CDH4: variants seen among roughly 807,000 people sequenced by gnomAD.
CDH4 encodes cadherin 4, also known as cadherin-4.
In CDH4, 33 loss-of-function variants were observed where a neutral mutation model predicts 86.0. That is an observed-to-expected ratio of 0.38 (90% CI 0.29 to 0.51). The LOEUF is 0.51. Among genes scored for constraint, CDH4 ranks in the 20% least tolerant of loss-of-function variants. CDH4 has a pLI of 0.86. For synonymous variants in CDH4, 555 were observed against 549.4 expected, an observed-to-expected ratio of 1.01 and a Z score of -0.14; for missense variants, 1,114 against 1,307.4, an observed-to-expected ratio of 0.85 and a Z score of 2.28.
At chr20:61,562,875 G>A (rs1398493181) in intron 2 of CDH4, among the ~76,000 whole-genome samples, 1 of 152,200 alleles carries the variant, frequency 6.6e-6, no homozygotes, top group Non-Finnish European at 1.5e-5. Context: ...TCCTGTCCGG[G>A]ACCCCAGTCC....
intron 9 of CDH4, among the ~76,000 whole-genome samples, chr20:61,915,783 G>C (rs967817220): frequency 1.3e-5 from 2 of 152,194 alleles, no homozygotes; most frequent in African/African-American, 4.8e-5. Context: ...AAGCGTGGAG[G>C]AGACGGGACT....
chr20:61,596,164 T>C (rs942748980), intron 2 of CDH4, among the ~76,000 whole-genome samples: 12 of 152,188 alleles, frequency 7.9e-5, no homozygotes, highest in Admixed American at 4.6e-4. Flanking sequence ...TGGGATAAAG[T>C]ATTTTTGGTC....
At chr20:61,438,798 A>G (rs1367867975) in intron 2 of CDH4, among the ~76,000 whole-genome samples, 2 of 152,222 alleles carry the variant, frequency 1.3e-5, no homozygotes, top group African/African-American at 2.4e-5. Flanking sequence ...GTGTCCAGAA[A>G]GAGAACCTTG....
chr20:61,564,876 T>C (rs1215978443), intron 2 of CDH4, among the ~76,000 whole-genome samples: 3 of 152,060 alleles, frequency 2.0e-5, no homozygotes, highest in Non-Finnish European at 2.9e-5. Flanking sequence ...TGCGGGAGCA[T>C]AGGGAGTTGT....
intron 2 of CDH4, among the ~76,000 whole-genome samples, chr20:61,439,593 G>A (rs2085303953): frequency 6.6e-6 from 1 of 152,266 alleles, no homozygotes; most frequent in African/African-American, 2.4e-5. Context: ...TGTCCCCACA[G>A]GGAGCATTCC....
chr20:61,319,443 C>G (rs2084496099), intron 2 of CDH4, among the ~76,000 whole-genome samples: 1 of 152,060 alleles, frequency 6.6e-6, no homozygotes, highest in African/African-American at 2.4e-5. Flanking sequence ...ACCTTGTGGG[C>G]TCATCAAGGC....
Position 61,252,831 on chromosome 20 carries a change from G to A in CDH4, c.57+261G>A, listed in dbSNP as rs1396885718. Among the ~76,000 whole-genome samples the A allele has an allele frequency of 4.0e-5, 6 of 151,684 alleles. No individual in the cohort carries two copies. The highest frequency in any genetic ancestry group is 7.4e-5 in the Non-Finnish European group (5 of 67,810). On this transcript the variant is annotated intron_variant, in intron 1 of 15. Transcript: ENST00000614565. This position sits in a 1 kb window ranked among gnomAD's most constrained non-coding sequence, Gnocchi z 4.4. ...GGACCCGGGGAGCTCCGCCTGCACCGGACCCGCCGAGCCTCCCTCGAACGC... is the reference window on the plus strand; with the variant it reads ...GGACCCGGGGAGCTCCGCCTGCACCAGACCCGCCGAGCCTCCCTCGAACGC...
intron 6 of CDH4, among the ~76,000 whole-genome samples, chr20:61,858,897 A>C (rs1008454266): frequency 6.6e-5 from 10 of 152,120 alleles, no homozygotes; most frequent in Admixed American, 5.2e-4. Context: ...TCGTGTGAAC[A>C]TAAGTTTCCA....
At chr20:61,592,197 A>G (rs2086523753) in intron 2 of CDH4, among the ~76,000 whole-genome samples, 1 of 152,210 alleles carries the variant, frequency 6.6e-6, no homozygotes, top group South Asian at 2.1e-4. Flanking sequence ...CCATTTTGTC[A>G]CATGGAGTAA....
chr20:61,697,577 G>A (rs748203241), intron 2 of CDH4, among the ~76,000 whole-genome samples: 31 of 152,236 alleles, frequency 2.0e-4, no homozygotes, highest in East Asian at 5.8e-4. Flanking sequence ...CAGCCTGGGC[G>A]ACAGAGCAAG....
chr20:61,489,813 G>T (rs915028364), intron 2 of CDH4, among the ~76,000 whole-genome samples: 1 of 152,208 alleles, frequency 6.6e-6, no homozygotes, highest in African/African-American at 2.4e-5. Flanking sequence ...GAGCCTCAGA[G>T]TCCACATCCT....
At chr20:61,572,445 A>T (rs971344646) in intron 2 of CDH4, among the ~76,000 whole-genome samples, 5 of 152,208 alleles carry the variant, frequency 3.3e-5, no homozygotes, top group Admixed American at 3.3e-4. Flanking sequence ...CCTGGGGTGC[A>T]GTCAGCACGT....
In CDH4 at chr20:61,669,034, C is replaced by T. The variant is rs142158681; in HGVS notation, c.170-74529C>T. 2.6e-3 allele frequency among the ~76,000 whole-genome samples: 389 copies of T among 152,278 alleles called. 4 individuals are homozygous for T. The highest frequency in any genetic ancestry group is 0.017 in the Middle Eastern group (5 of 294). ...AGCGAAGCTCAGGGCTGCGGCAGGCCGGCGGCAGGTCAGGTCCTTCCTTCA... is the reference window on the plus strand; with the variant it reads ...AGCGAAGCTCAGGGCTGCGGCAGGCTGGCGGCAGGTCAGGTCCTTCCTTCA... On this transcript the variant is annotated intron_variant, in intron 2 of 15. Transcript: ENST00000614565.
chr20:61,733,580 G>A (rs563843498), intron 2 of CDH4, among the ~76,000 whole-genome samples: 1 of 152,082 alleles, frequency 6.6e-6, no homozygotes, highest in Non-Finnish European at 1.5e-5. Context: ...TACATGCCAT[G>A]TGGGCTGACT....
chr20:61,586,494 G>A (rs1600784230), intron 2 of CDH4, among the ~76,000 whole-genome samples: 2 of 152,194 alleles, frequency 1.3e-5, no homozygotes, highest in African/African-American at 2.4e-5. Context: ...GTGCCTGAGG[G>A]GGTGTTAAGG....
At chr20:61,461,934 G>A (rs2085445691) in intron 2 of CDH4, among the ~76,000 whole-genome samples, 1 of 152,190 alleles carries the variant, frequency 6.6e-6, no homozygotes, top group South Asian at 2.1e-4. Flanking sequence ...GAAACATGAA[G>A]ATGCCCATTA....
At chr20:61,773,901 C>T (rs2088808769) in intron 4 of CDH4, among the ~76,000 whole-genome samples, 1 of 152,186 alleles carries the variant, frequency 6.6e-6, no homozygotes. Flanking sequence ...TTTTGTTTCT[C>T]ATTCCTTTCA....
chr20:61,378,078 C>T (rs1421395909), intron 2 of CDH4, among the ~76,000 whole-genome samples: 1 of 152,098 alleles, frequency 6.6e-6, no homozygotes, highest in Non-Finnish European at 1.5e-5. Flanking sequence ...CATGGCAAGA[C>T]CCCCATCTCT....
chr20:61,575,572 T>C (rs2086377181), intron 2 of CDH4, among the ~76,000 whole-genome samples: 1 of 152,252 alleles, frequency 6.6e-6, no homozygotes, highest in African/African-American at 2.4e-5. Context: ...CATGATTCTA[T>C]AGAACAGGGC....
Sources: allele counts gnomAD v4.1 joint callset (sites outside exome capture counted in the v4.1 genomes callset), GRCh38; gene constraint gnomAD v4.1.1; non-coding constraint Gnocchi (gnomAD v3.1); transcripts MANE v1.5; gene names NCBI Gene and HGNC (gene_info 2026-07-23, HGNC 2026-07-21).